The following PCDHGB1 variants were observed in gnomAD, a reference collection of about 807,000 sequenced individuals.
The protein encoded by PCDHGB1 is protocadherin gamma subfamily B, 1.
A neutral mutation model predicts 56.6 loss-of-function variants in PCDHGB1; 34 were observed. That is an observed-to-expected ratio of 0.60 (90% CI 0.46 to 0.80). PCDHGB1 has a LOEUF of 0.80. PCDHGB1 is among the 30% of genes least tolerant of loss of function. The pLI is 0.00. For synonymous variants in PCDHGB1, 561 were observed against 505.9 expected, an observed-to-expected ratio of 1.11 and a Z score of -1.46; for missense variants, 1,278 against 1,204.6, an observed-to-expected ratio of 1.06 and a Z score of -0.90.
intron 1 of PCDHGB1, chr5:141,409,530 C>G: frequency 6.2e-7 from 1 of 1,613,994 alleles, no homozygotes. Flanking sequence ...TTGTATGTCG[C>G]TGACATCAAC....
At chr5:141,422,058 A>G (rs1015726657) in intron 1 of PCDHGB1, 3 of 1,611,890 alleles carry the variant, frequency 1.9e-6, no homozygotes, top group African/African-American at 2.7e-5. Flanking sequence ...TCAACGGGGA[A>G]GTAATGTATT....
chr5:141,418,527 G>A, intron 1 of PCDHGB1: 2 of 1,614,018 alleles, frequency 1.2e-6, no homozygotes, highest in South Asian at 1.1e-5. Flanking sequence ...CCTCCCCGAA[G>A]CGGTACTGCT....
chr5:141,357,387 C>A, intron 1 of PCDHGB1: 1 of 1,614,218 alleles, frequency 6.2e-7, no homozygotes, highest in Non-Finnish European at 8.5e-7. Flanking sequence ...ACGCTGAAGG[C>A]AGCAGGTTGG....
In PCDHGB1 at chr5:141,476,760, CG is replaced by C. The variant is rs1325258321; in HGVS notation, c.2410-18045del. The C allele has an allele frequency of 6.2e-7, 1 of 1,613,706 alleles. No individual in the cohort carries two copies. Among genetic ancestry groups the C allele is most frequent in the African/African-American group, 1.3e-5 (1 of 74,930 alleles). On this transcript the variant is annotated intron_variant, in intron 1 of 3. Coordinates refer to ENST00000523390, the MANE Select transcript of PCDHGB1 (RefSeq NM_018922.3). This position sits in a 1 kb window ranked among gnomAD's most constrained non-coding sequence, Gnocchi z 7.6. ...GAGCCTAGTCTCCAGTTAGTGCTGA[CG>C]GCGTTGGACGGAGGGACCCCAGCTC...
intron 1 of PCDHGB1, chr5:141,394,570 A>G: frequency 6.2e-7 from 1 of 1,613,768 alleles, no homozygotes; most frequent in Non-Finnish European, 8.5e-7. Flanking sequence ...GAGCGTGGCT[A>G]CCTGGTGACC....
At chr5:141,408,856 G>A (rs750037212) in intron 1 of PCDHGB1, 1 of 1,613,518 alleles carries the variant, frequency 6.2e-7, no homozygotes, top group Non-Finnish European at 8.5e-7. Flanking sequence ...TGGACGGAGG[G>A]GACCCACCAA....
chr5:141,394,358 T>C (rs535265859), intron 1 of PCDHGB1: 13 of 1,614,188 alleles, frequency 8.1e-6, no homozygotes, highest in Middle Eastern at 1.6e-4. Flanking sequence ...GTGTCCTGTA[T>C]GCGCTGCAAT....
intron 1 of PCDHGB1, chr5:141,394,949 G>A (rs761514870): frequency 1.9e-6 from 3 of 1,613,906 alleles, no homozygotes; most frequent in Non-Finnish European, 1.7e-6. Flanking sequence ...CTGTGCTTCT[G>A]GGGCTCAGGC....
intron 1 of PCDHGB1, chr5:141,383,906 C>T (rs1779578930): frequency 6.2e-7 from 1 of 1,613,814 alleles, no homozygotes; most frequent in African/African-American, 1.3e-5. Flanking sequence ...GTACTGATCA[C>T]AGTTTTAGAT....
chr5:141,372,387 G>A (rs771030632), intron 1 of PCDHGB1: 1 of 1,614,016 alleles, frequency 6.2e-7, no homozygotes, highest in East Asian at 2.2e-5. Flanking sequence ...CCTAATCTTC[G>A]CAGATAGCTT....
At chr5:141,418,029 G>A (rs775326655) in intron 1 of PCDHGB1, 1 of 1,614,022 alleles carries the variant, frequency 6.2e-7, no homozygotes, top group Non-Finnish European at 8.5e-7. Context: ...CTAGGGCTTA[G>A]TGTCCTGGAT....
chr5:141,414,376 T>G, intron 1 of PCDHGB1: 1 of 1,613,824 alleles, frequency 6.2e-7, no homozygotes, highest in Non-Finnish European at 8.5e-7. Flanking sequence ...ATTAGAAAAG[T>G]CCATTGACAG....
At chr5:141,368,210 C>A (rs1293678228) in intron 1 of PCDHGB1, among the ~76,000 whole-genome samples, 5 of 152,078 alleles carry the variant, frequency 3.3e-5, no homozygotes, top group Admixed American at 6.5e-5. Flanking sequence ...TAAAATATTA[C>A]AAATGGGATA....
rs374476072 is a variant in PCDHGB1, at chr5:141,419,103, C to T, written c.2409+66434C>T. 5 of 1,613,886 alleles carry T rather than the reference C, an allele frequency of 3.1e-6. 1 individual carries two copies. Among genetic ancestry groups the T allele is most frequent in the South Asian group, 1.1e-5 (1 of 91,088 alleles). On this transcript the variant is annotated intron_variant, in intron 1 of 3. Transcript: ENST00000523390. ...GATGAGGCCCTGGATCGGGAGCAGA[C>T]CCCAGAGTACAACGTCACCATCGCA... is the stretch of plus-strand genomic sequence containing the variant.
intron 1 of PCDHGB1, chr5:141,395,381 A>G (rs562557513): frequency 2.0e-4 from 223 of 1,094,768 alleles, no homozygotes; most frequent in African/African-American, 1.2e-3. Context: ...TGGTGTTACT[A>G]TAAAATTGAA....
chr5:141,372,928 T>C, intron 1 of PCDHGB1: 1 of 925,756 alleles, frequency 1.1e-6, no homozygotes, highest in Non-Finnish European at 1.6e-6. Context: ...GATTTTCTGG[T>C]GTAGAGTAGG....
chr5:141,385,198 C>A, intron 1 of PCDHGB1: 1 of 1,614,224 alleles, frequency 6.2e-7, no homozygotes, highest in Non-Finnish European at 8.5e-7. Flanking sequence ...TCGGAAGAGT[C>A]ACCTGATCTT....
At chr5:141,399,684 G>T in intron 1 of PCDHGB1, 1 of 1,613,538 alleles carries the variant, frequency 6.2e-7, no homozygotes, top group Non-Finnish European at 8.5e-7. Context: ...TTGACTACGA[G>T]CAGCTGCGCA....
chr5:141,384,594 G>A (rs769496358), intron 1 of PCDHGB1: 6 of 1,614,162 alleles, frequency 3.7e-6, no homozygotes, highest in East Asian at 2.2e-5. Context: ...TCCTGTACCC[G>A]GCCCTCCCCA....
Sources: gnomAD v4.1 joint callset for allele counts (sites outside exome capture counted in the v4.1 genomes callset) on GRCh38, gnomAD v4.1.1 for gene constraint, Gnocchi (gnomAD v3.1) non-coding constraint, MANE v1.5 for transcripts, NCBI Gene and HGNC (gene_info 2026-07-23, HGNC 2026-07-21) for gene names.